The following XNDC1N variants were observed in gnomAD, a reference collection of about 807,000 sequenced individuals.
XNDC1N encodes XRCC1 N-terminal domain containing 1, N-terminal like, also known as protein XNDC1N.
At chr11:71,918,861 G>A in the XNDC1N span, 2 of 701,412 alleles carry the variant, frequency 2.9e-6, no homozygotes, top group African/African-American at 3.5e-5. Context: ...CTTCCTCAAG[G>A]TTCCTAGGCC....
At chr11:71,921,006 T>C in the XNDC1N span, among the ~76,000 whole-genome samples, 55 of 152,206 alleles carry the variant, frequency 3.6e-4, no homozygotes, top group African/African-American at 1.2e-3. Flanking sequence ...TCTTCTTTTT[T>C]TTTAGAGACA....
chr11:71,912,062 C>T, the XNDC1N span, among the ~76,000 whole-genome samples: 3 of 152,190 alleles, frequency 2.0e-5, no homozygotes, highest in Non-Finnish European at 4.4e-5. Flanking sequence ...AACCACCCAT[C>T]GAGGTCAGGA....
the XNDC1N span, among the ~76,000 whole-genome samples, chr11:71,891,991 T>C: frequency 6.6e-6 from 1 of 151,662 alleles, no homozygotes; most frequent in Non-Finnish European, 1.5e-5. Context: ...ACACCCCCAG[T>C]GATATTGCGA....
At chr11:71,867,168 C>CAA in the XNDC1N span, among the ~76,000 whole-genome samples, 27,876 of 150,914 alleles carry the variant, frequency 0.18, 4,647 homozygotes, top group African/African-American at 0.44. Flanking sequence ...AGTTTAATAA[C>CAA]AAAAAAAATT....
At chr11:71,908,300 GTTA>G in the XNDC1N span, among the ~76,000 whole-genome samples, 2 of 149,792 alleles carry the variant, frequency 1.3e-5, no homozygotes, top group African/African-American at 2.5e-5. Flanking sequence ...ATCAATATCA[GTTA>G]TTAATATCAG....
the XNDC1N span, among the ~76,000 whole-genome samples, chr11:71,913,686 A>G: frequency 3.1e-5 from 4 of 127,648 alleles, no homozygotes; most frequent in Non-Finnish European, 7.0e-5. Flanking sequence ...AAAAAAAAAA[A>G]AAGAAAAACA....
At chr11:71,866,929 A>G in the XNDC1N span, among the ~76,000 whole-genome samples, 1 of 152,250 alleles carries the variant, frequency 6.6e-6, no homozygotes, top group African/African-American at 2.4e-5. Context: ...AGTCACAAAA[A>G]TACTTGAAAA....
the XNDC1N span, among the ~76,000 whole-genome samples, chr11:71,871,296 T>A: frequency 2.6e-5 from 4 of 152,046 alleles, no homozygotes; most frequent in South Asian, 4.2e-4. Flanking sequence ...AAATATTACA[T>A]GTTTCACTTA....
the XNDC1N span, among the ~76,000 whole-genome samples, chr11:71,883,955 C>T: frequency 6.6e-6 from 1 of 152,174 alleles, no homozygotes; most frequent in Non-Finnish European, 1.5e-5. Flanking sequence ...TTTTCCACCA[C>T]CATATCTCTT....
At chr11:71,910,821 C>T in the XNDC1N span, among the ~76,000 whole-genome samples, 2 of 152,172 alleles carry the variant, frequency 1.3e-5, no homozygotes, top group African/African-American at 4.8e-5. Context: ...GGATCCCAAA[C>T]TTTGCAGTAT....
At chr11:71,927,376 C>T in the XNDC1N span, among the ~76,000 whole-genome samples, 1 of 151,904 alleles carries the variant, frequency 6.6e-6, no homozygotes, top group Non-Finnish European at 1.5e-5. Context: ...TATGAAATTT[C>T]CCCAGGCGTG....
the XNDC1N span, among the ~76,000 whole-genome samples, chr11:71,888,636 A>C: frequency 6.6e-6 from 1 of 152,188 alleles, no homozygotes; most frequent in Non-Finnish European, 1.5e-5. Context: ...GGGGTTTCTA[A>C]AGGATGGCCC....
chr11:71,911,303 TTGTAACA>T, the XNDC1N span, among the ~76,000 whole-genome samples: 2 of 152,312 alleles, frequency 1.3e-5, no homozygotes, highest in African/African-American at 4.8e-5. Flanking sequence ...CCATTGAAGT[TTGTAACA>T]GCCTACACCC....
the XNDC1N span, among the ~76,000 whole-genome samples, chr11:71,866,887 A>G: frequency 6.6e-6 from 1 of 152,226 alleles, no homozygotes; most frequent in East Asian, 1.9e-4. Flanking sequence ...ATTTGATATG[A>G]TCGAGACAAT....
the XNDC1N span, among the ~76,000 whole-genome samples, chr11:71,890,835 C>G: frequency 6.6e-6 from 1 of 152,064 alleles, no homozygotes; most frequent in Admixed American, 6.5e-5. Flanking sequence ...AAGGGATGTA[C>G]AGACCCTGCG....
At chr11:71,884,482 A>G in the XNDC1N span, 1 of 1,610,394 alleles carries the variant, frequency 6.2e-7, no homozygotes, top group East Asian at 2.2e-5. Context: ...GCTGATGAAC[A>G]TGCAATTAGA....
the XNDC1N span, among the ~76,000 whole-genome samples, chr11:71,886,876 A>G: frequency 1.3e-5 from 2 of 152,180 alleles, no homozygotes; most frequent in South Asian, 2.1e-4. Flanking sequence ...GGCCCCCACA[A>G]AGAGGCAAGG....
At chr11:71,881,354 A>G in the XNDC1N span, among the ~76,000 whole-genome samples, 10 of 152,262 alleles carry the variant, frequency 6.6e-5, no homozygotes, top group African/African-American at 2.2e-4. Context: ...TTGCATTGCT[A>G]TAGGGTTATC....
At chr11:71,889,148 G>A in the XNDC1N span, among the ~76,000 whole-genome samples, 2 of 152,204 alleles carry the variant, frequency 1.3e-5, no homozygotes, top group Non-Finnish European at 2.9e-5. Context: ...CTCAGTGAGG[G>A]TGAGACTGTC....
Sources: allele counts gnomAD v4.1 joint callset (sites outside exome capture counted in the v4.1 genomes callset), GRCh38; gene constraint gnomAD v4.1.1; transcripts MANE v1.5; gene names NCBI Gene and HGNC (gene_info 2026-07-23, HGNC 2026-07-21).